Variants in METTL15 observed in about 807,000 individuals in gnomAD.
METTL15 encodes the protein methyltransferase 15, mitochondrial 12S rRNA N4-cytidine, also known as 12S rRNA N(4)-cytidine methyltransferase METTL15.
In METTL15, 34 loss-of-function variants were observed where a neutral mutation model predicts 38.3. That is an observed-to-expected ratio of 0.89 (90% CI 0.68 to 1.18). The LOEUF (loss-of-function observed/expected upper bound fraction) is 1.18. METTL15 is among the 50% of genes most tolerant of loss of function. The probability of loss-of-function intolerance (pLI) is 0.00; values close to 1 mark genes in which losing one functional copy is unlikely to be tolerated. For synonymous variants in METTL15, 162 were observed against 170.9 expected, an observed-to-expected ratio of 0.95 and a Z score of 0.41; for missense variants, 438 against 498.4, an observed-to-expected ratio of 0.88 and a Z score of 1.15.
At chr11:28,236,362 G>A (rs1164507454) in intron 4 of METTL15, among the ~76,000 whole-genome samples, 1 of 152,086 alleles carries the variant, frequency 6.6e-6, no homozygotes, top group Admixed American at 6.5e-5. Context: ...CTATTGATTG[G>A]AATAGTTTCA....
Position 28,431,185 on chromosome 11 carries a change from G to A in METTL15, c.*424+6821G>A, listed in dbSNP as rs1406194155. Among the ~76,000 whole-genome samples, 3 of 111,282 alleles carry A rather than the reference G, an allele frequency of 2.7e-5. 1 individual carries two copies. The highest frequency in any genetic ancestry group is 6.4e-5 in the Non-Finnish European group (3 of 46,758). 73.0% of individuals were successfully genotyped at this position (111,282 alleles called of 152,430 possible). On this transcript the variant is annotated intron_variant and NMD_transcript_variant, in intron 6 of 7. Transcript: ENST00000532947. ...GGGTCAGCCCCCTGCCCGGCCATCCGCCCCGTCCGGGAGGTGAGGGGCGCC... is the reference window on the plus strand; with the variant it reads ...GGGTCAGCCCCCTGCCCGGCCATCCACCCCGTCCGGGAGGTGAGGGGCGCC...
At chr11:28,371,439 A>G (rs1169547611) in intron 5 of METTL15, among the ~76,000 whole-genome samples, 1 of 151,918 alleles carries the variant, frequency 6.6e-6, no homozygotes, top group Non-Finnish European at 1.5e-5. Flanking sequence ...GCTTTGTAGC[A>G]TATTTGGAAG....
chr11:28,502,605 C>T (rs1242788557), intron 6 of METTL15, among the ~76,000 whole-genome samples: 1 of 152,178 alleles, frequency 6.6e-6, no homozygotes, highest in African/African-American at 2.4e-5. Context: ...CTGACATTTT[C>T]TTTGCATATT....
At chr11:28,266,187 G>A (rs1169339993) in intron 4 of METTL15, among the ~76,000 whole-genome samples, 1 of 152,156 alleles carries the variant, frequency 6.6e-6, no homozygotes, top group East Asian at 1.9e-4. Flanking sequence ...AATACCATTT[G>A]ACCCAGCAAT....
In METTL15 at chr11:28,525,740, T is replaced by C. The variant is rs1263083912; in HGVS notation, c.*425-738T>C. Reference sequence around the variant, plus strand: ...CAGAAGCCCAGCTGGCTTCACCCAGTGGATCCCGCACCGGGGCCGCAGGTG... The same window carrying C: ...CAGAAGCCCAGCTGGCTTCACCCAGCGGATCCCGCACCGGGGCCGCAGGTG... On this transcript the variant is annotated intron_variant and NMD_transcript_variant, in intron 6 of 7. Coordinates refer to the METTL15 transcript ENST00000532947. 2.0e-5 allele frequency among the ~76,000 whole-genome samples: 3 copies of C among 152,250 alleles called. No individual in the cohort carries two copies. In the East Asian group the frequency reaches 5.8e-4, roughly 29 times the overall value.
chr11:28,313,658 T>G (rs1857382717), intron 6 of METTL15, among the ~76,000 whole-genome samples: 1 of 152,056 alleles, frequency 6.6e-6, no homozygotes, highest in African/African-American at 2.4e-5. Flanking sequence ...TTGGAGTGAT[T>G]GGATGTATAT....
In METTL15 at chr11:28,296,931, G is replaced by A; in HGVS notation, c.778G>A (p.Gly260Arg). ...RTQQLASIVA[G>R]AFPPSAIYTR... ...CCAGCAGCTTGCCAGCATCGTTGCA[G>A]GTAGCCTCATTAATTCTCAACAGTG... is the stretch of plus-strand genomic sequence containing the variant. The change falls in exon 6 of 7, where the codon GGA (glycine) becomes AGA (arginine). Residue 260 changes from glycine to arginine, a missense_variant and splice_region_variant. Gly to Arg is a moderately radical substitution (Grantham distance 125). Coordinates refer to ENST00000407364, the MANE Select transcript of METTL15 (RefSeq NM_001113528.2). The A allele has an allele frequency of 2.5e-6, 4 of 1,613,302 alleles. No individual in the cohort carries two copies. Among genetic ancestry groups the A allele is most frequent in the Non-Finnish European group, 2.5e-6 (3 of 1,179,588 alleles).
In METTL15 at chr11:28,454,052, A is replaced by C. The variant is rs145587481; in HGVS notation, c.*424+29688A>C. 4.2e-3 allele frequency among the ~76,000 whole-genome samples: 635 copies of C among 152,314 alleles called. 4 individuals are homozygous for C. Among genetic ancestry groups the C allele is most frequent in the Non-Finnish European group, 7.1e-3 (483 of 68,018 alleles). On this transcript the variant is annotated intron_variant and NMD_transcript_variant, in intron 6 of 7. Transcript: ENST00000532947. Reference sequence around the variant, plus strand: ...GAATTTGATGAGGGGATCTTACTCTATTGTGATGTCCCAAGTAAATCCTCT... The same window carrying C: ...GAATTTGATGAGGGGATCTTACTCTCTTGTGATGTCCCAAGTAAATCCTCT...
intron 5 of METTL15, among the ~76,000 whole-genome samples, chr11:28,422,587 C>T (rs1054805215): frequency 2.0e-5 from 3 of 151,988 alleles, no homozygotes; most frequent in Non-Finnish European, 4.4e-5. Context: ...CAAGAACATA[C>T]ACTGGGAAAA....
chr11:28,375,623 G>C (rs1042556207), intron 5 of METTL15, among the ~76,000 whole-genome samples: 22 of 151,896 alleles, frequency 1.4e-4, no homozygotes, highest in African/African-American at 4.8e-4. Context: ...ACCAGCTCCT[G>C]GTTTCATTAA....
intron 6 of METTL15, among the ~76,000 whole-genome samples, chr11:28,478,990 G>A (rs977670559): frequency 6.6e-5 from 10 of 152,030 alleles, no homozygotes; most frequent in Admixed American, 2.0e-4. Context: ...TTTGGCAGGC[G>A]TTCTTACTAC....
chr11:28,271,680 T>C (rs922546044), intron 4 of METTL15, among the ~76,000 whole-genome samples: 12 of 152,006 alleles, frequency 7.9e-5, no homozygotes, highest in Non-Finnish European at 1.3e-4. Flanking sequence ...AATAAATATA[T>C]AGGTCAAGAA....
chr11:28,177,609 G>T (rs1158732814), intron 3 of METTL15, among the ~76,000 whole-genome samples: 1 of 151,946 alleles, frequency 6.6e-6, no homozygotes, highest in Non-Finnish European at 1.5e-5. Context: ...CTGGGGATTT[G>T]AAAGTTATAT....
rs144227301 is a variant in METTL15, at chr11:28,165,732, A to G, written c.271-45330A>G. Among the ~76,000 whole-genome samples, 521 of 151,754 alleles carry G rather than the reference A, an allele frequency of 3.4e-3. 2 individuals are homozygous for G. Among genetic ancestry groups the G allele is most frequent in the African/African-American group, 0.012 (507 of 41,408 alleles). On this transcript the variant is annotated intron_variant, in intron 3 of 6. Coordinates refer to ENST00000407364, the MANE Select transcript of METTL15 (RefSeq NM_001113528.2). ...GTTGTATAAAAAAAAAATTGCTTGG[A>G]TCAATGTCGTGGAGCTTTTCCCATA...
intron 5 of METTL15, among the ~76,000 whole-genome samples, chr11:28,390,011 T>C (rs1004518178): frequency 1.3e-5 from 2 of 151,902 alleles, no homozygotes; most frequent in African/African-American, 4.8e-5. Context: ...CATGTGTCTT[T>C]TGGCTGCATA....
At chr11:28,515,371 A>G (rs1038427929) in intron 6 of METTL15, among the ~76,000 whole-genome samples, 1 of 152,242 alleles carries the variant, frequency 6.6e-6, no homozygotes, top group Non-Finnish European at 1.5e-5. Flanking sequence ...CTAATACAAT[A>G]GAATTTTCCT....
At chr11:28,377,630 T>A (rs1324685119) in intron 5 of METTL15, among the ~76,000 whole-genome samples, 1 of 152,074 alleles carries the variant, frequency 6.6e-6, no homozygotes, top group East Asian at 1.9e-4. Context: ...CAGAGTAATT[T>A]GATCGTCTGA....
At chr11:28,117,166 G>A (rs1050704021) in intron 3 of METTL15, among the ~76,000 whole-genome samples, 2 of 150,410 alleles carry the variant, frequency 1.3e-5, no homozygotes, top group East Asian at 3.9e-4. Context: ...TTTAAAAAAT[G>A]TATATTGAAA....
At chr11:28,210,960 G>C (rs766035131) in intron 3 of METTL15, 102 bp from the exon 4 acceptor site, 93 of 1,234,770 alleles carry the variant, frequency 7.5e-5, no homozygotes, top group Non-Finnish European at 1.0e-4. Flanking sequence ...CCTATTTACT[G>C]TCAAGTCTGA....
Sources: allele counts gnomAD v4.1 joint callset (sites outside exome capture counted in the v4.1 genomes callset), GRCh38; gene constraint gnomAD v4.1.1; transcripts MANE v1.5; gene names NCBI Gene and HGNC (gene_info 2026-07-23, HGNC 2026-07-21).